PLXNA4: variants seen among roughly 807,000 people sequenced by gnomAD.
PLXNA4 encodes plexin A4, also known as plexin-A4.
PLXNA4 carries 44 observed loss-of-function variants against 191.8 expected under a neutral mutation model. That is an observed-to-expected ratio of 0.23 (90% CI 0.18 to 0.29). PLXNA4 has a LOEUF of 0.29. Among genes scored for constraint, PLXNA4 ranks in the 10% least tolerant of loss-of-function variants. The probability of loss-of-function intolerance (pLI) is 1.00; values close to 1 mark genes in which losing one functional copy is unlikely to be tolerated. For missense variants in PLXNA4, 1,800 were observed against 2,488.8 expected (o/e 0.72, Z 5.89); for synonymous variants, 1,082 against 1,009.5 (o/e 1.07, Z -1.36).
chr7:132,377,032 G>T (rs1804685446), intron 3 of PLXNA4, among the ~76,000 whole-genome samples: 1 of 152,170 alleles, frequency 6.6e-6, no homozygotes, highest in Non-Finnish European at 1.5e-5. Context: ...CTCACGAAAT[G>T]TGTAAAAACA....
chr7:132,486,380 A>AT (rs1301752216), intron 3 of PLXNA4, among the ~76,000 whole-genome samples: 8 of 151,504 alleles, frequency 5.3e-5, no homozygotes, highest in African/African-American at 1.5e-4. Context: ...CTATTGTTCA[A>AT]GAAAAAATAA....
chr7:132,146,505 G>A lies in PLXNA4; in HGVS notation c.5055+5C>T. 4 of 1,614,134 alleles carry A rather than the reference G, an allele frequency of 2.5e-6. No individual in the cohort carries two copies. Among genetic ancestry groups the A allele is most frequent in the Non-Finnish European group, 3.4e-6 (4 of 1,180,036 alleles). ...CTCCCTGCACCCAGTTCTCAAGTCTGATACCTTAGTGGCCAGGAGTCGGGT... is the reference window on the plus strand; with the variant it reads ...CTCCCTGCACCCAGTTCTCAAGTCTAATACCTTAGTGGCCAGGAGTCGGGT... On this transcript the variant is annotated splice_donor_5th_base_variant and intron_variant, in intron 28 of 31. Transcript: ENST00000321063.
intron 9 of PLXNA4, among the ~76,000 whole-genome samples, chr7:132,219,452 A>G (rs1798072393): frequency 6.6e-6 from 1 of 152,206 alleles, no homozygotes; most frequent in South Asian, 2.1e-4. Context: ...ACAGATCTCT[A>G]AACACAGATC....
intron 1 of PLXNA4, among the ~76,000 whole-genome samples, chr7:132,527,459 C>T (rs1405428561): frequency 6.7e-6 from 1 of 150,250 alleles, no homozygotes; most frequent in Admixed American, 6.7e-5. Flanking sequence ...GGCTAAATGC[C>T]TTTCTCCACG....
intron 13 of PLXNA4, among the ~76,000 whole-genome samples, chr7:132,197,398 T>A (rs1797284695): frequency 1.3e-5 from 2 of 152,240 alleles, no homozygotes; most frequent in South Asian, 4.1e-4. Context: ...ACTTTACTGA[T>A]CTAACTGGTA....
chr7:132,311,850 A>C (rs1801755733), intron 3 of PLXNA4, among the ~76,000 whole-genome samples: 1 of 152,224 alleles, frequency 6.6e-6, no homozygotes, highest in Non-Finnish European at 1.5e-5. Context: ...CTGTGGGGAC[A>C]GCCTTCCCTG....
intron 2 of PLXNA4, among the ~76,000 whole-genome samples, chr7:132,608,228 C>T (rs532486633): frequency 2.0e-4 from 31 of 152,298 alleles, no homozygotes; most frequent in African/African-American, 7.5e-4. Context: ...ATCACCATCA[C>T]CATCATCCTC....
At chr7:132,505,823 C>G (rs144941779) in intron 2 of PLXNA4, among the ~76,000 whole-genome samples, 1 of 152,180 alleles carries the variant, frequency 6.6e-6, no homozygotes, top group African/African-American at 2.4e-5. Context: ...TAGCTGCCTT[C>G]GTTTGGAAGC....
intron 3 of PLXNA4, among the ~76,000 whole-genome samples, chr7:132,479,515 A>G (rs1485762206): frequency 6.6e-5 from 10 of 152,200 alleles, no homozygotes; most frequent in African/African-American, 2.2e-4. Context: ...GGGCAAGGGG[A>G]ATACGGCCTT....
At chr7:132,172,438 A>G (rs1796315252) in intron 21 of PLXNA4, among the ~76,000 whole-genome samples, 1 of 152,130 alleles carries the variant, frequency 6.6e-6, no homozygotes, top group Non-Finnish European at 1.5e-5. Flanking sequence ...AAGCAAGAGG[A>G]CACCTCCTTC....
At chr7:132,638,454 C>A (rs1026079666) in intron 2 of PLXNA4, among the ~76,000 whole-genome samples, 1 of 152,136 alleles carries the variant, frequency 6.6e-6, no homozygotes, top group African/African-American at 2.4e-5. Flanking sequence ...GAGTTCGAGA[C>A]CAGCCTGGCC....
intron 4 of PLXNA4, among the ~76,000 whole-genome samples, chr7:132,278,615 G>A (rs1200747750): frequency 3.3e-5 from 5 of 152,186 alleles, no homozygotes; most frequent in Non-Finnish European, 4.4e-5. Context: ...GGGCAGCGAA[G>A]GCCCTGGGAC....
chr7:132,235,801 C>A (rs2117015825), intron 5 of PLXNA4, among the ~76,000 whole-genome samples: 1 of 152,288 alleles, frequency 6.6e-6, no homozygotes, highest in East Asian at 1.9e-4. Flanking sequence ...ACCTGCCAAG[C>A]CTGGTCACTG....
At position 132,607,575 on chromosome 7, in the gene PLXNA4, C is replaced by A. The variant is rs114310712; in HGVS notation, c.-87+38353G>T. On this transcript the variant is annotated intron_variant, in intron 2 of 4. Coordinates refer to the PLXNA4 transcript ENST00000378539. ...TTGACAGAAGCACCTTAATGGGGCC[C>A]CTTATGAGGGGCTATGAGAGCAATG... Among the ~76,000 whole-genome samples the A allele has an allele frequency of 5.7e-3, 874 of 152,272 alleles. 13 individuals are homozygous for A. The highest frequency in any genetic ancestry group is 0.019 in the African/African-American group (797 of 41,546).
chr7:132,562,468 C>G (rs1490171048), intron 1 of PLXNA4, among the ~76,000 whole-genome samples: 1 of 93,536 alleles, frequency 1.1e-5, no homozygotes, highest in Non-Finnish European at 2.3e-5. Context: ...CCTCCTCCTC[C>G]TTTCTCCTCC....
intron 3 of PLXNA4, among the ~76,000 whole-genome samples, chr7:132,322,184 CTT>C (rs5887566): frequency 0.016 from 1,986 of 122,412 alleles, 55 homozygotes; most frequent in African/African-American, 0.022. Context: ...CCTAAAAGGG[CTT>C]TTTTTTTTTT....
At chr7:132,565,844 C>T (rs1047139678) in intron 1 of PLXNA4, among the ~76,000 whole-genome samples, 1 of 152,184 alleles carries the variant, frequency 6.6e-6, no homozygotes, top group Non-Finnish European at 1.5e-5. Flanking sequence ...TCAATACAAG[C>T]TGTTGTCAGG....
chr7:132,537,033 A>G (rs1799868367), intron 1 of PLXNA4, among the ~76,000 whole-genome samples: 1 of 152,220 alleles, frequency 6.6e-6, no homozygotes, highest in African/African-American at 2.4e-5. Flanking sequence ...GAAGTCCGGG[A>G]AGCCTTGAAG....
In PLXNA4 at chr7:132,156,185, C is replaced by T. The variant is rs187884651; in HGVS notation, c.4660+3288G>A. On this transcript the variant is annotated intron_variant, in intron 25 of 31. Coordinates refer to ENST00000321063, the MANE Select transcript of PLXNA4 (RefSeq NM_020911.2). Reference sequence around the variant, plus strand: ...ACACACACACACACACACACACAGACGCACACACGCACACAACCCTTGTTT... The same window carrying T: ...ACACACACACACACACACACACAGATGCACACACGCACACAACCCTTGTTT... Among the ~76,000 whole-genome samples, 262 of 147,138 alleles carry T rather than the reference C, an allele frequency of 1.8e-3. 2 individuals are homozygous for T. The highest frequency in any genetic ancestry group is 6.3e-3 in the African/African-American group (253 of 40,190).
Sources: allele counts gnomAD v4.1 joint callset (sites outside exome capture counted in the v4.1 genomes callset), GRCh38; gene constraint gnomAD v4.1.1; transcripts MANE v1.5; gene names NCBI Gene and HGNC (gene_info 2026-07-23, HGNC 2026-07-21).